MTUS2: variants seen among roughly 807,000 people sequenced by gnomAD.
MTUS2 encodes microtubule-associated tumor suppressor candidate 2.
MTUS2 carries 40 observed loss-of-function variants against 114.1 expected under a neutral mutation model. The ratio of observed to expected loss-of-function variants is 0.35; its 90% confidence interval spans 0.27 to 0.46. MTUS2 has a LOEUF of 0.46. Ranked by LOEUF, MTUS2 falls within the 20% of genes least tolerant of loss-of-function variation. The pLI, the probability that MTUS2 is intolerant of heterozygous loss-of-function variation, is 1.00. For synonymous variants in MTUS2, 688 were observed against 672.0 expected, an observed-to-expected ratio of 1.02 and a Z score of -0.37; for missense variants, 1,679 against 1,705.4, an observed-to-expected ratio of 0.98 and a Z score of 0.27.
At chr13:29,251,999 G>A (rs560035511) in intron 5 of MTUS2, among the ~76,000 whole-genome samples, 31 of 152,186 alleles carry the variant, frequency 2.0e-4, no homozygotes, top group Admixed American at 5.9e-4. Context: ...ATTTTTGGAG[G>A]AACCACCATG....
chr13:28,977,094 G>A (rs1422259096), intron 2 of MTUS2, among the ~76,000 whole-genome samples: 1 of 152,070 alleles, frequency 6.6e-6, no homozygotes, highest in Non-Finnish European at 1.5e-5. Context: ...AGAGGAATTA[G>A]TTGTACATAA....
intron 5 of MTUS2, among the ~76,000 whole-genome samples, chr13:29,154,202 T>G (rs544898705): frequency 6.6e-6 from 1 of 152,334 alleles, no homozygotes; most frequent in South Asian, 2.1e-4. Context: ...AATTCTTAGT[T>G]GAGAACATAT....
intron 4 of MTUS2, among the ~76,000 whole-genome samples, chr13:29,090,352 G>A (rs1593464832): frequency 6.6e-6 from 1 of 152,186 alleles, no homozygotes; most frequent in South Asian, 2.1e-4. Flanking sequence ...TCTGATGGGG[G>A]CTGCCAGCAA....
At chr13:29,119,605 T>C (rs1308298565) in intron 5 of MTUS2, among the ~76,000 whole-genome samples, 2 of 152,218 alleles carry the variant, frequency 1.3e-5, no homozygotes, top group Admixed American at 1.3e-4. Flanking sequence ...CAGGGAAAGA[T>C]TCCGGTCTGA....
In MTUS2 at chr13:29,211,320, A is replaced by G. The variant is rs540331497; in HGVS notation, c.2645-70384A>G. ...CAGCAAGGCCAGTCTCACTCCCACC[A>G]TGTCCCCCCAACAGCACGAGAGGGA... On this transcript the variant is annotated intron_variant, in intron 5 of 15. Transcript: ENST00000612955. 3.2e-4 allele frequency among the ~76,000 whole-genome samples: 49 copies of G among 152,378 alleles called. No homozygotes were observed. In the South Asian group the frequency reaches 8.9e-3, roughly 28 times the overall value.
chr13:29,129,279 T>A (rs371120896), intron 5 of MTUS2, among the ~76,000 whole-genome samples: 19 of 151,816 alleles, frequency 1.3e-4, no homozygotes, highest in African/African-American at 4.4e-4. Context: ...GAGAGAACTG[T>A]AATTCTGTAT....
intron 5 of MTUS2, among the ~76,000 whole-genome samples, chr13:29,210,411 G>C (rs1895375349): frequency 6.6e-6 from 1 of 151,966 alleles, no homozygotes; most frequent in African/African-American, 2.4e-5. Context: ...TCAAACTTCT[G>C]AATTATTTTT....
chr13:28,821,404 A>G (rs1196131738), intron 1 of MTUS2, among the ~76,000 whole-genome samples: 1 of 152,222 alleles, frequency 6.6e-6, no homozygotes, highest in Non-Finnish European at 1.5e-5. Context: ...TCCTACATGT[A>G]TACTTTCTAG....
chr13:29,430,777 C>T (rs1876935845), intron 8 of MTUS2, among the ~76,000 whole-genome samples: 1 of 152,140 alleles, frequency 6.6e-6, no homozygotes, highest in Non-Finnish European at 1.5e-5. Flanking sequence ...CCTATTGGGC[C>T]AGGTATTGTA....
chr13:29,116,918 C>T (rs1891113320), intron 5 of MTUS2, among the ~76,000 whole-genome samples: 1 of 152,154 alleles, frequency 6.6e-6, no homozygotes, highest in Non-Finnish European at 1.5e-5. Flanking sequence ...TATTTTTGGA[C>T]TACAGTTGAC....
intron 7 of MTUS2, among the ~76,000 whole-genome samples, chr13:29,346,653 C>G (rs1238822905): frequency 7.7e-6 from 1 of 130,292 alleles, no homozygotes; most frequent in East Asian, 2.2e-4. Context: ...GTGCGCCTGT[C>G]TGTACTCCCA....
chr13:28,911,256 A>G (rs1201779594), intron 2 of MTUS2, among the ~76,000 whole-genome samples: 1 of 145,958 alleles, frequency 6.9e-6, no homozygotes, highest in Non-Finnish European at 1.5e-5. Context: ...GCTCACTGCA[A>G]CGTCCACCTC....
intron 5 of MTUS2, among the ~76,000 whole-genome samples, chr13:29,271,306 C>T (rs73168229): frequency 0.041 from 6,284 of 152,252 alleles, 381 homozygotes; most frequent in East Asian, 0.26. Context: ...GAGGAGTCTG[C>T]TACTGTCTTC....
At chr13:28,902,543 G>A (rs576830482) in intron 2 of MTUS2, among the ~76,000 whole-genome samples, 1 of 151,894 alleles carries the variant, frequency 6.6e-6, no homozygotes, top group East Asian at 1.9e-4. Flanking sequence ...GTCATGAGTG[G>A]GTGTTGGATT....
chr13:28,878,219 A>ATATG lies in MTUS2; in HGVS notation c.-243+38370_-243+38371insATGT, dbSNP rs747435077. ...GGCTTAAAAAAGAATATATATATAT[A>ATATG]TGTGTGTGTGTGTGTATATATATGT... On this transcript the variant is annotated intron_variant, in intron 2 of 15. Coordinates refer to ENST00000612955, the MANE Select transcript of MTUS2 (RefSeq NM_001033602.4). Among the ~76,000 whole-genome samples, 458 of 147,550 alleles carry ATATG rather than the reference A, an allele frequency of 3.1e-3. 4 individuals carry two copies. The highest frequency in any genetic ancestry group is 0.01 in the Admixed American group (155 of 15,048).
chr13:29,206,704 G>A (rs752858309), intron 5 of MTUS2, among the ~76,000 whole-genome samples: 10 of 152,096 alleles, frequency 6.6e-5, no homozygotes, highest in Non-Finnish European at 1.3e-4. Context: ...CGTTGTTGAA[G>A]ATCAGTTGAC....
At chr13:29,092,595 CA>C (rs1464761355) in intron 4 of MTUS2, among the ~76,000 whole-genome samples, 1 of 152,100 alleles carries the variant, frequency 6.6e-6, no homozygotes, top group African/African-American at 2.4e-5. Flanking sequence ...CGAGCTGGGC[CA>C]GGGGCACACC....
intron 11 of MTUS2, among the ~76,000 whole-genome samples, chr13:29,491,730 T>G (rs1313075157): frequency 7.7e-6 from 1 of 130,046 alleles, no homozygotes. Flanking sequence ...TAGGTGTGTG[T>G]GGGGCGTGTG....
At chr13:28,946,247 T>A (rs894647457) in intron 2 of MTUS2, among the ~76,000 whole-genome samples, 12 of 150,814 alleles carry the variant, frequency 8.0e-5, no homozygotes, top group Non-Finnish European at 1.5e-4. Flanking sequence ...GCTTTTACTT[T>A]TCCTGGTATC....
Sources: gnomAD v4.1 joint callset for allele counts (sites outside exome capture counted in the v4.1 genomes callset) on GRCh38, gnomAD v4.1.1 for gene constraint, MANE v1.5 for transcripts, NCBI Gene and HGNC (gene_info 2026-07-23, HGNC 2026-07-21) for gene names.